Variants in KRT72 observed in about 807,000 individuals in gnomAD.
KRT72 encodes keratin 72.
In KRT72, 44 loss-of-function variants were observed where a neutral mutation model predicts 44.7. The ratio of observed to expected loss-of-function variants is 0.98; its 90% confidence interval spans 0.77 to 1.27. The LOEUF (loss-of-function observed/expected upper bound fraction) is 1.27, where lower values mean the gene tolerates loss of function less well. Among genes scored for constraint, KRT72 ranks in the 50% most tolerant of loss-of-function variants. The pLI is 0.00. For synonymous variants in KRT72, 302 were observed against 280.4 expected (o/e 1.08, Z -0.77); for missense variants, 736 against 667.1 (o/e 1.10, Z -1.14).
rs1940313619 is a variant in KRT72, at chr12:52,598,956, C to A, written c.583G>T (p.Val195Leu). ...KQLEMLSGDG[V>L]RLDSELRNMQ... ...TTCCTCAGCTCCGAATCCAGCCTCA[C>A]CCCGTCCCCAGACAGCATCTCCAGC... Residue 195 changes from valine (V) to leucine (L), a missense_variant, in exon 2 of 9, where the codon GTG (valine) becomes TTG (leucine). Val to Leu is a conservative substitution (Grantham distance 32). Transcript: ENST00000293745. The A allele has an allele frequency of 6.2e-7, 1 of 1,614,220 alleles. No homozygotes were observed. The highest frequency in any genetic ancestry group is 1.3e-5 in the African/African-American group (1 of 75,046).
intron 2 of KRT72, among the ~76,000 whole-genome samples, chr12:52,594,539 A>G (rs979218588): frequency 6.6e-6 from 1 of 151,816 alleles, no homozygotes; most frequent in African/African-American, 2.4e-5. Context: ...GTTCTCACTC[A>G]CAGGTAGGAA....
Position 52,591,473 on chromosome 12 carries a change from G to C in KRT72, c.954C>G (p.Tyr318Ter). ...LKSKAEAETL[Y>*]QTKIQELQVT... ...CCTGGCACCAGCTCACCTTGGTCTGGTACAGGGTCTCAGCCTCGGCCTTGC... is the reference window on the plus strand; with the variant it reads ...CCTGGCACCAGCTCACCTTGGTCTGCTACAGGGTCTCAGCCTCGGCCTTGC... Residue 318 changes from tyrosine to a stop codon, truncating the protein, a stop_gained, in exon 5 of 9, where the codon TAC becomes TAG. Transcript: ENST00000293745. LOFTEE classifies it high-confidence loss of function. 2 of 1,613,706 alleles carry C rather than the reference G, an allele frequency of 1.2e-6. No individual in the cohort carries two copies. The highest frequency in any genetic ancestry group is 1.7e-6 in the Non-Finnish European group (2 of 1,179,718).
intron 3 of KRT72, 146 bp downstream of exon 3, chr12:52,592,746 G>A: frequency 2.8e-6 from 2 of 715,526 alleles, no homozygotes; most frequent in Non-Finnish European, 2.4e-6. Flanking sequence ...AAGGGACTTG[G>A]AGGGAGGGGC....
intron 2 of KRT72, among the ~76,000 whole-genome samples, chr12:52,596,545 C>CT (rs1286439119): frequency 6.7e-6 from 1 of 150,304 alleles, no homozygotes; most frequent in African/African-American, 2.4e-5. Flanking sequence ...GGTAAACTTT[C>CT]TTTTTTTCTT....
chr12:52,601,635 A>C (rs1940469223), upstream of KRT72: 27 of 605,406 alleles, frequency 4.5e-5, no homozygotes, highest in South Asian at 5.2e-4. Context: ...ATTACCATGC[A>C]CTCACCGAGA....
intron 4 of KRT72, 131 bp downstream of exon 4, chr12:52,592,265 G>C: frequency 1.5e-6 from 1 of 685,394 alleles, no homozygotes; most frequent in Non-Finnish European, 2.6e-6. Flanking sequence ...TAGGGCCTTG[G>C]TGAATGTCAG....
At chr12:52,598,564 C>A in intron 2 of KRT72, among the ~76,000 whole-genome samples, 1 of 152,002 alleles carries the variant, frequency 6.6e-6, no homozygotes, top group South Asian at 2.1e-4. Context: ...TAAAATTTGC[C>A]CTGGAATTGG....
At chr12:52,591,301 G>A (rs1053811328) in intron 5 of KRT72, among the ~76,000 whole-genome samples, 163 bp downstream of exon 5, 1 of 152,098 alleles carries the variant, frequency 6.6e-6, no homozygotes, top group Non-Finnish European at 1.5e-5. Flanking sequence ...CTTACCCCTG[G>A]GGTGGCATTT....
At position 52,587,671 on chromosome 12, in the gene KRT72, T is replaced by A; in HGVS notation, c.1270A>T (p.Ile424Phe). ...VSLKLALDME[I>F]ATYRKLLESE... ...TCCAGCAGCTTGCGGTAGGTGGCGA[T>A]CTCCATATCCAGGGCCAGCTTCAGG... is the stretch of plus-strand genomic sequence containing the variant. The change falls in exon 7 of 9, where the codon ATC (isoleucine) becomes TTC (phenylalanine). Residue 424 changes from isoleucine (I) to phenylalanine (F), a missense_variant. Physicochemically the swap from Ile to Phe is conservative, Grantham distance 21. Transcript: ENST00000293745. 1 of 1,614,086 alleles carries A rather than the reference T, an allele frequency of 6.2e-7. No individual in the cohort carries two copies. Among genetic ancestry groups the A allele is most frequent in the East Asian group, 2.2e-5 (1 of 44,862 alleles).
chr12:52,590,022 T>C (rs1489577459), intron 6 of KRT72, among the ~76,000 whole-genome samples: 1 of 152,162 alleles, frequency 6.6e-6, no homozygotes, highest in East Asian at 1.9e-4. Flanking sequence ...TGTGTACATG[T>C]GTAAGCATGC....
chr12:52,597,133 A>G (rs1295377859), intron 2 of KRT72, among the ~76,000 whole-genome samples: 1 of 152,232 alleles, frequency 6.6e-6, no homozygotes, highest in Non-Finnish European at 1.5e-5. Context: ...CACACATAAT[A>G]CGTTTGAAAT....
rs151138619 is a variant in KRT72, at chr12:52,586,019, G to A, written c.1499C>T (p.Ser500Leu). ...SELKDPLAKT[S>L]GSSCATKKAS... ...CTTTTTGGTGGCACAGCTGCTCCCCGAGGTTTTGGCAAGGGGATCCTTGAG... is the reference window on the plus strand; with the variant it reads ...CTTTTTGGTGGCACAGCTGCTCCCCAAGGTTTTGGCAAGGGGATCCTTGAG... Residue 500 changes from serine (S) to leucine (L), a missense_variant, in exon 9 of 9, where the codon TCG becomes TTG. Ser to Leu is a moderately radical substitution (Grantham distance 145). Coordinates refer to ENST00000293745, the MANE Select transcript of KRT72 (RefSeq NM_080747.3). 3.5e-5 allele frequency: 57 copies of A among 1,613,980 alleles called. No homozygotes were observed. In the Middle Eastern group the frequency reaches 5.0e-4, roughly 14 times the overall value.
chr12:52,592,347 C>G (rs746445264), intron 4 of KRT72, 49 bp downstream of exon 4: 2 of 1,344,992 alleles, frequency 1.5e-6, no homozygotes, highest in African/African-American at 2.9e-5. Flanking sequence ...GGCCAGAAAC[C>G]TCTTGTTAAA....
intron 4 of KRT72, 29 bp from the exon 5 acceptor site, chr12:52,591,657 T>C (rs1489540741): frequency 6.3e-7 from 1 of 1,586,192 alleles, no homozygotes; most frequent in African/African-American, 1.3e-5. Context: ...GGGGAGCTAG[T>C]TAAGGGGTAC....
Position 52,588,284 on chromosome 12 carries a change from G to A in KRT72, c.1090-433C>T, listed in dbSNP as rs1358247492. Among the ~76,000 whole-genome samples the A allele has an allele frequency of 2.6e-5, 4 of 152,370 alleles. No homozygotes were observed. The East Asian group carries it at 7.7e-4, about 29-fold the overall frequency. ...TGGGGAAAACATGAGGGCTAATAAA[G>A]TTCCTATTAATAAATTGTCCTATAA... On this transcript the variant is annotated intron_variant, in intron 6 of 8. Transcript: ENST00000293745.
intron 1 of KRT72, among the ~76,000 whole-genome samples, chr12:52,599,770 C>A (rs1000149131): frequency 6.6e-5 from 10 of 152,116 alleles, no homozygotes; most frequent in African/African-American, 2.4e-4. Context: ...CAGACCTGTG[C>A]CCTCCCGCCA....
intron 8 of KRT72, 68 bp downstream of exon 8, chr12:52,586,878 A>G: frequency 2.1e-6 from 3 of 1,433,652 alleles, no homozygotes; most frequent in East Asian, 4.5e-5. Context: ...CTTTTGTGTC[A>G]TGAATTAAAG....
At position 52,587,108 on chromosome 12, in the gene KRT72, T is replaced by C. The variant is rs756412231; in HGVS notation, c.1311-128A>G. On this transcript the variant is annotated intron_variant, in intron 7 of 8. Transcript: ENST00000293745. ...CCCAAACCCATCCTAGCCTCCTTTC[T>C]TCCCACACATCCCAGTGCGACCCCC... 286 of 822,452 alleles carry C rather than the reference T, an allele frequency of 3.5e-4. 1 individual carries two copies. The highest frequency in any genetic ancestry group is 4.9e-4 in the Non-Finnish European group (232 of 478,230). The allele number at this position is 822,452 out of a possible 1,614,324, so 50.9% of individuals were successfully genotyped here.
chr12:52,600,910 G>C, intron 1 of KRT72, 117 bp downstream of exon 1: 2 of 1,071,126 alleles, frequency 1.9e-6, no homozygotes, highest in Non-Finnish European at 2.7e-6. Context: ...AAATGGAAAA[G>C]GGAGGCTCGG....
Sources: gnomAD v4.1 joint callset for allele counts (sites outside exome capture counted in the v4.1 genomes callset) on GRCh38, gnomAD v4.1.1 for gene constraint, MANE v1.5 for transcripts, NCBI Gene and HGNC (gene_info 2026-07-23, HGNC 2026-07-21) for gene names.